ERICH5: variants seen among roughly 807,000 people sequenced by gnomAD.
ERICH5 encodes glutamate-rich protein 5.
Under a neutral mutation model 28.0 loss-of-function variants are expected in ERICH5, and 24 were observed. The observed-to-expected ratio is 0.86, with a 90% CI of 0.62 to 1.21. ERICH5 has a LOEUF of 1.21. ERICH5 is among the 50% of genes most tolerant of loss of function. The pLI is 0.00. For synonymous variants in ERICH5, 163 were observed against 157.6 expected, an observed-to-expected ratio of 1.03 and a Z score of -0.25; for missense variants, 421 against 441.2, an observed-to-expected ratio of 0.95 and a Z score of 0.41.
chr8:98,076,836 G>A (rs929419042), intron 1 of ERICH5, among the ~76,000 whole-genome samples: 2 of 152,106 alleles, frequency 1.3e-5, no homozygotes, highest in African/African-American at 4.8e-5. Flanking sequence ...AAATTCCCAG[G>A]TCATGCTGAT....
At chr8:98,067,658 C>T (rs1288614869) in intron 1 of ERICH5, among the ~76,000 whole-genome samples, 3 of 151,642 alleles carry the variant, frequency 2.0e-5, no homozygotes, top group Non-Finnish European at 4.4e-5. Context: ...TCTTGTTGCC[C>T]AGGCTGGAGT....
intron 1 of ERICH5, among the ~76,000 whole-genome samples, chr8:98,067,716 A>C (rs746615770): frequency 3.0e-4 from 46 of 151,836 alleles, no homozygotes; most frequent in Middle Eastern, 3.4e-3. Context: ...CCTGGGTTCA[A>C]GTGATTCTAC....
Position 98,070,916 on chromosome 8 carries a change from G to C in ERICH5, c.58+6189G>C, listed in dbSNP as rs539629745. 1.4e-4 allele frequency among the ~76,000 whole-genome samples: 22 copies of C among 152,110 alleles called. No homozygotes were observed. In the East Asian group the frequency reaches 3.9e-3, roughly 27 times the overall value. On this transcript the variant is annotated intron_variant, in intron 1 of 2. Coordinates refer to ENST00000318528, the MANE Select transcript of ERICH5 (RefSeq NM_173549.3). ...GTCGGGTTGTGTATAGAGCCTCCTAGCTATGCAGGAAAAGGTTAGCACTGT... is the reference window on the plus strand; with the variant it reads ...GTCGGGTTGTGTATAGAGCCTCCTACCTATGCAGGAAAAGGTTAGCACTGT...
At chr8:98,084,085 C>T (rs546391144) in intron 1 of ERICH5, among the ~76,000 whole-genome samples, 4 of 149,312 alleles carry the variant, frequency 2.7e-5, no homozygotes, top group East Asian at 3.9e-4. Context: ...CATCAGGTCT[C>T]GCTATATTTC....
chr8:98,065,232 A>G (rs1814799737), intron 1 of ERICH5, among the ~76,000 whole-genome samples: 2 of 152,190 alleles, frequency 1.3e-5, no homozygotes, highest in African/African-American at 2.4e-5. Context: ...CGTCTCTACT[A>G]AAACACCAAC....
intron 2 of ERICH5, among the ~76,000 whole-genome samples, chr8:98,091,920 C>CTTTTT (rs1815408893): frequency 0.011 from 294 of 26,798 alleles, 12 homozygotes; most frequent in African/African-American, 0.034. Context: ...TTTCTTTCTT[C>CTTTTT]CTTTCTTTCT....
chr8:98,065,739 CT>C, intron 1 of ERICH5, among the ~76,000 whole-genome samples: 1 of 152,314 alleles, frequency 6.6e-6, no homozygotes, highest in African/African-American at 2.4e-5. Flanking sequence ...CTCCGTCAAG[CT>C]AGTTTACAGT....
intron 1 of ERICH5, among the ~76,000 whole-genome samples, chr8:98,066,488 C>T (rs1214425067): frequency 1.3e-5 from 2 of 152,138 alleles, no homozygotes; most frequent in African/African-American, 4.8e-5. Context: ...TTTTAATCCT[C>T]TCAGAAAATA....
At chr8:98,066,868 A>G (rs964691154) in intron 1 of ERICH5, among the ~76,000 whole-genome samples, 12 of 152,180 alleles carry the variant, frequency 7.9e-5, no homozygotes, top group African/African-American at 2.7e-4. Context: ...TTTAAATCCT[A>G]TATACAACCT....
At chr8:98,076,677 G>T (rs774374418) in intron 1 of ERICH5, among the ~76,000 whole-genome samples, 1 of 152,160 alleles carries the variant, frequency 6.6e-6, no homozygotes, top group Non-Finnish European at 1.5e-5. Flanking sequence ...ATATAGGATT[G>T]TTCAATCTAG....
Position 98,089,710 on chromosome 8 carries a change from G to A in ERICH5, c.693G>A (p.Leu231=), listed in dbSNP as rs1815347050. The change falls in exon 2 of 3, where the codon TTG becomes TTA. Residue 231 remains leucine (L), a synonymous_variant. Transcript: ENST00000318528. The part of the protein sequence containing the change: ...ISKENESPEI[L]EGSQFVETAE... ...AAGAGAATGAATCTCCAGAAATATTGGAAGGAAGTCAGTTTGTGGAAACAG... is the reference window on the plus strand; with the variant it reads ...AAGAGAATGAATCTCCAGAAATATTAGAAGGAAGTCAGTTTGTGGAAACAG... The A allele has an allele frequency of 1.9e-6, 3 of 1,614,014 alleles. No individual in the cohort carries two copies. The highest frequency in any genetic ancestry group is 2.2e-5 in the South Asian group (2 of 91,092).
rs552665456 is a variant in ERICH5 at position 98,077,576 on chromosome 8, A to G, written c.59-11500A>G. Among the ~76,000 whole-genome samples, 7 of 152,350 alleles carry G rather than the reference A, an allele frequency of 4.6e-5. 1 individual carries two copies. The highest frequency in any genetic ancestry group is 4.6e-4 in the Admixed American group (7 of 15,298). ...TTGGAAAAGTATATCTGAAGGAAAC[A>G]ACTCTTTGTCATGGTTTGATGACAG... On this transcript the variant is annotated intron_variant, in intron 1 of 2. Coordinates refer to ENST00000318528, the MANE Select transcript of ERICH5 (RefSeq NM_173549.3).
intron 1 of ERICH5, among the ~76,000 whole-genome samples, chr8:98,087,132 C>T (rs1815296652): frequency 6.6e-6 from 1 of 152,024 alleles, no homozygotes; most frequent in Non-Finnish European, 1.5e-5. Context: ...CACTTGAGCC[C>T]AGGAGTTTGA....
intron 2 of ERICH5, 93 bp downstream of exon 2, chr8:98,090,122 T>C: frequency 1.1e-6 from 1 of 913,736 alleles, no homozygotes; most frequent in Admixed American, 2.7e-5. Context: ...ACACAGTCCC[T>C]GAAGTCACTT....
intron 1 of ERICH5, 140 bp downstream of exon 1, chr8:98,064,867 C>G: frequency 3.3e-6 from 2 of 609,288 alleles, no homozygotes; most frequent in Non-Finnish European, 5.1e-6. Flanking sequence ...GAGCAGAACC[C>G]GGGACAAAGC....
chr8:98,090,269 A>T (rs759919711), intron 2 of ERICH5, among the ~76,000 whole-genome samples: 2 of 152,232 alleles, frequency 1.3e-5, no homozygotes, highest in African/African-American at 2.4e-5. Flanking sequence ...TAGTGTTTAA[A>T]TAGTGTCTAA....
rs779758229 is a variant in ERICH5 at position 98,089,609 on chromosome 8, C to T, written c.592C>T (p.Gln198Ter). The T allele has an allele frequency of 2.4e-5, 39 of 1,614,162 alleles. No individual in the cohort carries two copies. In the East Asian group the frequency reaches 8.5e-4, roughly 35 times the overall value. The change falls in exon 2 of 3, where the codon CAA becomes TAA. Residue 198 changes from glutamine (Q) to a stop codon, truncating the protein, a stop_gained. Transcript: ENST00000318528. LOFTEE classifies it high-confidence loss of function. The part of the protein sequence containing the change: ...LGTTENVLTL[Q>*]IAGELQPQGT... ...AACAACTGAGAACGTTCTGACTCTG[C>T]AAATAGCTGGAGAGCTACAACCTCA...
At chr8:98,074,306 A>C (rs1255364881) in intron 1 of ERICH5, among the ~76,000 whole-genome samples, 1 of 152,156 alleles carries the variant, frequency 6.6e-6, no homozygotes, top group African/African-American at 2.4e-5. Flanking sequence ...TAAAAGTGGT[A>C]TGCGAATGGC....
chr8:98,089,695 A>G lies in ERICH5; in HGVS notation c.678A>G (p.Glu226=). 6.2e-7 allele frequency: 1 copy of G among 1,614,186 alleles called. No individual in the cohort carries two copies. Among genetic ancestry groups the G allele is most frequent in the Non-Finnish European group, 8.5e-7 (1 of 1,180,038 alleles). The change falls in exon 2 of 3, where the codon GAA becomes GAG. Residue 226 remains glutamate, a synonymous_variant. Transcript: ENST00000318528. Reference sequence around the variant, plus strand: ...TAGAAACAATTTCCAAAGAGAATGAATCTCCAGAAATATTGGAAGGAAGTC... The same window carrying G: ...TAGAAACAATTTCCAAAGAGAATGAGTCTCCAGAAATATTGGAAGGAAGTC... ...PLLETISKEN[E]SPEILEGSQF... is the part of the protein sequence containing the mutation.
Sources: allele counts gnomAD v4.1 joint callset (sites outside exome capture counted in the v4.1 genomes callset), GRCh38; gene constraint gnomAD v4.1.1; transcripts MANE v1.5; gene names NCBI Gene and HGNC (gene_info 2026-07-23, HGNC 2026-07-21).